The following CEP63 variants were observed in gnomAD, a reference collection of about 807,000 sequenced individuals.
CEP63 encodes the protein centrosomal protein of 63 kDa.
A neutral mutation model predicts 89.1 loss-of-function variants in CEP63; 84 were observed. That is an observed-to-expected ratio of 0.94 (90% CI 0.79 to 1.13). The LOEUF (loss-of-function observed/expected upper bound fraction) is 1.13, where lower values mean the gene tolerates loss of function less well. CEP63 is among the 50% of genes most tolerant of loss of function. The pLI is 0.00. For missense variants in CEP63, 838 were observed against 813.3 expected (o/e 1.03, Z -0.37); for synonymous variants, 267 against 272.5 (o/e 0.98, Z 0.20).
At chr3:134,634,393 G>A in the CEP63 span, among the ~76,000 whole-genome samples, 1 of 151,984 alleles carries the variant, frequency 6.6e-6, no homozygotes, top group Non-Finnish European at 1.5e-5. Flanking sequence ...GTTGGTAAGA[G>A]GATAGATAAA....
At chr3:134,553,099 A>T (rs183877574) in intron 12 of CEP63, 1 of 152,152 alleles carries the variant, frequency 6.6e-6, no homozygotes, top group African/African-American at 2.4e-5. Context: ...AAAATTGTAT[A>T]AATGCTTTTT....
chr3:134,499,189 T>C lies in CEP63; in HGVS notation c.44+3825T>C, dbSNP rs561288824. ...TGGGCTTTTCTCTCTTGGGAGACTT[T>C]TTATTCCTGGTTCAGTCATGTTACT... On this transcript the variant is annotated intron_variant, in intron 2 of 14. Transcript: ENST00000675561. Among the ~76,000 whole-genome samples the C allele has an allele frequency of 2.0e-5, 3 of 152,366 alleles. No individual in the cohort carries two copies. In the South Asian group the frequency reaches 6.2e-4, roughly 32 times the overall value.
chr3:134,594,441 CT>C, the CEP63 span, among the ~76,000 whole-genome samples: 2 of 152,170 alleles, frequency 1.3e-5, no homozygotes, highest in African/African-American at 2.4e-5. Context: ...GCCATTCCCC[CT>C]GATAGAAACA....
At chr3:134,499,973 A>G (rs532784911) in intron 2 of CEP63, among the ~76,000 whole-genome samples, 3 of 151,746 alleles carry the variant, frequency 2.0e-5, no homozygotes, top group Admixed American at 1.3e-4. Flanking sequence ...ACAGGCACAC[A>G]CCACCATGCC....
the CEP63 span, among the ~76,000 whole-genome samples, chr3:134,711,788 A>T: frequency 6.9e-6 from 1 of 144,726 alleles, no homozygotes. Flanking sequence ...TTTGAGACAG[A>T]GTCTTACTCT....
At chr3:134,670,754 T>C in the CEP63 span, among the ~76,000 whole-genome samples, 2 of 152,160 alleles carry the variant, frequency 1.3e-5, no homozygotes, top group Non-Finnish European at 1.5e-5. Context: ...GCAGAGTTCA[T>C]AAAGCTTAAA....
At chr3:134,668,219 G>T in the CEP63 span, among the ~76,000 whole-genome samples, 1 of 152,198 alleles carries the variant, frequency 6.6e-6, no homozygotes, top group African/African-American at 2.4e-5. Flanking sequence ...TGGTCTGGGG[G>T]CTACACTGTG....
At chr3:134,592,469 GGTGTGTGTGTGTGTGTGTGTGT>G (rs34973626), downstream of CEP63, among the ~76,000 whole-genome samples, 2 of 125,108 alleles carry the variant, frequency 1.6e-5, no homozygotes, top group Non-Finnish European at 3.3e-5. Context: ...TCTGCAAACT[GGTGTGTGTGTGTGTGTGTGTGT>G]GTGTGTGTGT....
intron 12 of CEP63, chr3:134,552,770 T>C (rs1311855756): frequency 2.0e-5 from 3 of 152,128 alleles, no homozygotes; most frequent in Non-Finnish European, 4.4e-5. Flanking sequence ...ATAAAATATT[T>C]TAGAATCTTT....
chr3:134,733,624 G>T, the CEP63 span, among the ~76,000 whole-genome samples: 3 of 152,310 alleles, frequency 2.0e-5, no homozygotes, highest in East Asian at 5.8e-4. Context: ...CACAGGGAGT[G>T]GGGGAGAACG....
At chr3:134,770,382 A>G in the CEP63 span, among the ~76,000 whole-genome samples, 1 of 152,372 alleles carries the variant, frequency 6.6e-6, no homozygotes, top group East Asian at 1.9e-4. Context: ...TAGGAAAAGA[A>G]GTCTTGAGGT....
chr3:134,564,372 T>C lies in CEP63; in HGVS notation c.*2837T>C, dbSNP rs1203526707. 22 of 985,564 alleles carry C rather than the reference T, an allele frequency of 2.2e-5. No homozygotes were observed. Among genetic ancestry groups the C allele is most frequent in the Non-Finnish European group, 2.5e-5 (21 of 830,030 alleles). The allele number at this position is 985,564 out of a possible 1,614,324, so 61.1% of individuals were successfully genotyped here. A position where few individuals can be genotyped will look rare whatever the true frequency, so the allele number is the denominator to read the frequency against. ...AAAACTCCCCCTTTACTTGGCTACT[T>C]TATCTGGCTTGGCAAAGCTTTCCCA... On this transcript the variant is annotated 3_prime_UTR_variant, in exon 15 of 15. Transcript: ENST00000675561.
chr3:134,498,465 T>C (rs1940882587), intron 2 of CEP63, among the ~76,000 whole-genome samples: 1 of 152,196 alleles, frequency 6.6e-6, no homozygotes, highest in African/African-American at 2.4e-5. Context: ...GGTGGAGTCT[T>C]TAGGTTTTTC....
At chr3:134,534,983 A>G (rs1018627051) in intron 5 of CEP63, among the ~76,000 whole-genome samples, 1 of 151,968 alleles carries the variant, frequency 6.6e-6, no homozygotes, top group African/African-American at 2.4e-5. Context: ...GGAACTACGC[A>G]TGCCCTCCCC....
downstream of CEP63, among the ~76,000 whole-genome samples, chr3:134,590,692 A>G (rs1958581130): frequency 1.3e-5 from 2 of 152,170 alleles, no homozygotes; most frequent in South Asian, 4.1e-4. Context: ...CACTACAATT[A>G]CATTTACTTT....
chr3:134,681,060 G>A, the CEP63 span, among the ~76,000 whole-genome samples: 2 of 152,302 alleles, frequency 1.3e-5, no homozygotes, highest in African/African-American at 2.4e-5. Context: ...GCAGGACAAG[G>A]TTCAAGGGCT....
intron 2 of CEP63, among the ~76,000 whole-genome samples, chr3:134,496,789 T>G (rs1940218333): frequency 6.6e-6 from 1 of 152,232 alleles, no homozygotes; most frequent in Non-Finnish European, 1.5e-5. Context: ...ATGGAGTTAC[T>G]TATGTTAAGG....
the CEP63 span, among the ~76,000 whole-genome samples, chr3:134,695,161 T>C: frequency 6.6e-6 from 1 of 152,170 alleles, no homozygotes; most frequent in Admixed American, 6.5e-5. Context: ...GGGCTCTCTG[T>C]GCTGCGGGTG....
intron 1 of CEP63, among the ~76,000 whole-genome samples, chr3:134,487,436 T>G (rs1228565985): frequency 1.3e-5 from 2 of 152,224 alleles, no homozygotes; most frequent in Non-Finnish European, 2.9e-5. Context: ...TTGTGTATGT[T>G]GATTGTACTG....
Sources: gnomAD v4.1 joint callset for allele counts (sites outside exome capture counted in the v4.1 genomes callset) on GRCh38, gnomAD v4.1.1 for gene constraint, MANE v1.5 for transcripts, NCBI Gene and HGNC (gene_info 2026-07-23, HGNC 2026-07-21) for gene names.